ERC2: variants seen among roughly 807,000 people sequenced by gnomAD.
ERC2 encodes the protein ERC protein 2.
A neutral mutation model predicts 114.8 loss-of-function variants in ERC2; 42 were observed. That is an observed-to-expected ratio of 0.37 (90% CI 0.29 to 0.47). ERC2 has a LOEUF of 0.47. ERC2 is among the 20% of genes least tolerant of loss of function. The probability of loss-of-function intolerance (pLI) is 0.99; values close to 1 mark genes in which losing one functional copy is unlikely to be tolerated. For synonymous variants in ERC2, 454 were observed against 425.5 expected, an observed-to-expected ratio of 1.07 and a Z score of -0.82; for missense variants, 939 against 1,150.7, an observed-to-expected ratio of 0.82 and a Z score of 2.66.
At chr3:56,268,913 A>G (rs565198591) in intron 3 of ERC2, among the ~76,000 whole-genome samples, 1 of 152,294 alleles carries the variant, frequency 6.6e-6, no homozygotes, top group East Asian at 1.9e-4. Flanking sequence ...ATTGTGCATG[A>G]CTGTATATGT....
intron 17 of ERC2, among the ~76,000 whole-genome samples, chr3:55,577,413 C>T (rs2057039580): frequency 6.6e-6 from 1 of 152,088 alleles, no homozygotes; most frequent in African/African-American, 2.4e-5. Context: ...CATAAAGTTC[C>T]CTTTATTTGT....
At position 55,828,974 on chromosome 3, in the gene ERC2, T is replaced by TA. The variant is rs890461235; in HGVS notation, c.2564+59414dup. Among the ~76,000 whole-genome samples, 18 of 151,990 alleles carry TA rather than the reference T, an allele frequency of 1.2e-4. No individual in the cohort carries two copies. In the East Asian group the frequency reaches 3.5e-3, roughly 30 times the overall value. On this transcript the variant is annotated intron_variant, in intron 14 of 17. Transcript: ENST00000288221. ...TCAACATAGTGAGATCCTGTCTCTA[T>TA]AAAAAAATTAGCTGAGTGTGATGGG...
chr3:56,412,668 TTTGGC>T (rs2060987648), intron 2 of ERC2, among the ~76,000 whole-genome samples: 1 of 151,988 alleles, frequency 6.6e-6, no homozygotes, highest in Non-Finnish European at 1.5e-5. Flanking sequence ...GGCTTCCATG[TTTGGC>T]ACGATTTGTG....
At chr3:56,168,964 A>C (rs2150010799) in intron 4 of ERC2, among the ~76,000 whole-genome samples, 1 of 152,354 alleles carries the variant, frequency 6.6e-6, no homozygotes, top group Admixed American at 6.5e-5. Context: ...AATTAAAAAA[A>C]AAGCCTGGTG....
At chr3:56,044,458 T>C (rs553282279) in intron 7 of ERC2, among the ~76,000 whole-genome samples, 29 of 152,242 alleles carry the variant, frequency 1.9e-4, no homozygotes, top group African/African-American at 7.0e-4. Context: ...TTGAAACCTA[T>C]GGAGGGAATA....
chr3:55,949,915 T>C (rs970043189), intron 13 of ERC2, among the ~76,000 whole-genome samples: 4 of 152,204 alleles, frequency 2.6e-5, no homozygotes, highest in Non-Finnish European at 4.4e-5. Context: ...GATATGGCTG[T>C]CCATTGAAAG....
chr3:55,839,818 C>A (rs2061054917), intron 14 of ERC2, among the ~76,000 whole-genome samples: 1 of 151,276 alleles, frequency 6.6e-6, no homozygotes, highest in South Asian at 2.1e-4. Flanking sequence ...AGCAAGATGA[C>A]AGATTTAAAT....
At chr3:56,040,611 A>AC (rs11391505) in intron 7 of ERC2, among the ~76,000 whole-genome samples, 1,184 of 33,090 alleles carry the variant, frequency 0.036, 58 homozygotes, top group Middle Eastern at 0.053. Flanking sequence ...ATGTATATAT[A>AC]ATATATAGAT....
At chr3:56,364,872 A>G (rs915917029) in intron 2 of ERC2, among the ~76,000 whole-genome samples, 1 of 152,184 alleles carries the variant, frequency 6.6e-6, no homozygotes, top group African/African-American at 2.4e-5. Context: ...CTCTGGCCAC[A>G]TGAATGTCTG....
At chr3:55,525,888 G>T (rs528917078) in intron 17 of ERC2, among the ~76,000 whole-genome samples, 4 of 152,282 alleles carry the variant, frequency 2.6e-5, no homozygotes, top group African/African-American at 9.6e-5. Context: ...GGTGTCAGTT[G>T]AACTCTGTCC....
At chr3:55,680,784 G>A (rs1293638261) in intron 17 of ERC2, among the ~76,000 whole-genome samples, 1 of 152,132 alleles carries the variant, frequency 6.6e-6, no homozygotes, top group Admixed American at 6.5e-5. Context: ...TAAATCTTAG[G>A]CATAAGAAAA....
intron 3 of ERC2, among the ~76,000 whole-genome samples, chr3:56,177,962 TG>T (rs1351709586): frequency 2.6e-5 from 4 of 152,334 alleles, no homozygotes; most frequent in Admixed American, 6.5e-5. Context: ...AACATCTCAC[TG>T]TGACATCAAA....
intron 14 of ERC2, among the ~76,000 whole-genome samples, chr3:55,794,386 G>A (rs1478606900): frequency 6.6e-6 from 1 of 152,092 alleles, no homozygotes; most frequent in Non-Finnish European, 1.5e-5. Context: ...TGGACTTTGT[G>A]GCTAGAGGAA....
intron 3 of ERC2, among the ~76,000 whole-genome samples, chr3:56,175,324 C>G (rs2082917287): frequency 6.6e-6 from 1 of 152,208 alleles, no homozygotes; most frequent in African/African-American, 2.4e-5. Flanking sequence ...ATTCAAAATG[C>G]TCTCACATCA....
At chr3:55,597,177 T>C (rs190924801) in intron 17 of ERC2, among the ~76,000 whole-genome samples, 55 of 152,182 alleles carry the variant, frequency 3.6e-4, no homozygotes, top group Admixed American at 2.5e-3. Context: ...TCCCAGCACT[T>C]TGGGAGGCCG....
At chr3:55,757,910 A>C (rs140050163) in intron 14 of ERC2, among the ~76,000 whole-genome samples, 1 of 152,204 alleles carries the variant, frequency 6.6e-6, no homozygotes, top group East Asian at 1.9e-4. Flanking sequence ...TGGAAAAAAA[A>C]TTCTATCAAA....
At chr3:55,530,537 T>C (rs1174194403) in intron 17 of ERC2, among the ~76,000 whole-genome samples, 1 of 152,182 alleles carries the variant, frequency 6.6e-6, no homozygotes, top group African/African-American at 2.4e-5. Flanking sequence ...TCCCAAGATA[T>C]CTGCAATAAT....
chr3:55,594,103 A>G (rs1416448959), intron 17 of ERC2, among the ~76,000 whole-genome samples: 1 of 151,580 alleles, frequency 6.6e-6, no homozygotes, highest in African/African-American at 2.4e-5. Flanking sequence ...ATTTTTCCCC[A>G]CCCTTGCTGT....
At chr3:55,888,893 TC>T (rs1186722240) in intron 13 of ERC2, among the ~76,000 whole-genome samples, 3 of 151,806 alleles carry the variant, frequency 2.0e-5, no homozygotes, top group Non-Finnish European at 4.4e-5. Flanking sequence ...TATCACCTGT[TC>T]CCCCAAAACC....
Sources: gnomAD v4.1 joint callset for allele counts (sites outside exome capture counted in the v4.1 genomes callset) on GRCh38, gnomAD v4.1.1 for gene constraint, MANE v1.5 for transcripts, NCBI Gene and HGNC (gene_info 2026-07-23, HGNC 2026-07-21) for gene names.